JARID2: variants seen among roughly 807,000 people sequenced by gnomAD.
JARID2 encodes the protein protein Jumonji.
In JARID2, 21 loss-of-function variants were observed where a neutral mutation model predicts 125.6. That is an observed-to-expected ratio of 0.17 (90% CI 0.12 to 0.24). The LOEUF (loss-of-function observed/expected upper bound fraction) is 0.24. Ranked by LOEUF, JARID2 falls within the 10% of genes least tolerant of loss-of-function variation. The probability of loss-of-function intolerance (pLI) is 1.00; values close to 1 mark genes in which losing one functional copy is unlikely to be tolerated. For missense variants in JARID2, 1,303 were observed against 1,639.6 expected, an observed-to-expected ratio of 0.79 and a Z score of 3.55; for synonymous variants, 736 against 661.6, an observed-to-expected ratio of 1.11 and a Z score of -1.73.
At chr6:15,478,091 G>A (rs1769434234) in intron 5 of JARID2, among the ~76,000 whole-genome samples, 1 of 152,186 alleles carries the variant, frequency 6.6e-6, no homozygotes. Flanking sequence ...TAGGGCCTTA[G>A]TGGGGGATAT....
At chr6:15,422,406 A>T (rs1312668563) in intron 3 of JARID2, among the ~76,000 whole-genome samples, 1 of 152,132 alleles carries the variant, frequency 6.6e-6, no homozygotes, top group Non-Finnish European at 1.5e-5. Context: ...CTTCACCTTG[A>T]TCAGCAAGGT....
At chr6:15,436,513 G>A (rs952124728) in intron 3 of JARID2, among the ~76,000 whole-genome samples, 10 of 152,194 alleles carry the variant, frequency 6.6e-5, no homozygotes, top group African/African-American at 7.2e-5. Context: ...GGATGGGGGC[G>A]TGGCAGATCA....
At chr6:15,338,517 C>T (rs149557943) in intron 1 of JARID2, among the ~76,000 whole-genome samples, 7 of 152,330 alleles carry the variant, frequency 4.6e-5, no homozygotes, top group African/African-American at 1.2e-4. Flanking sequence ...CCCATATGTG[C>T]AGGCTTTGTA....
intron 1 of JARID2, among the ~76,000 whole-genome samples, chr6:15,295,552 C>T (rs1252632946): frequency 6.6e-6 from 1 of 152,138 alleles, no homozygotes; most frequent in Middle Eastern, 3.2e-3. Flanking sequence ...GGAAAGAATA[C>T]TGCATTTATT....
intron 2 of JARID2, among the ~76,000 whole-genome samples, chr6:15,380,626 G>A (rs1764543706): frequency 6.6e-6 from 1 of 152,082 alleles, no homozygotes; most frequent in East Asian, 1.9e-4. Context: ...CCAATTTGTA[G>A]CCAAGGACCA....
At chr6:15,502,442 C>G (rs1028995063) in intron 8 of JARID2, among the ~76,000 whole-genome samples, 1 of 152,216 alleles carries the variant, frequency 6.6e-6, no homozygotes, top group Non-Finnish European at 1.5e-5. Flanking sequence ...CCCTCGTGAG[C>G]CTGGTGGGAG....
chr6:15,463,294 A>G (rs1768541917), intron 4 of JARID2, among the ~76,000 whole-genome samples: 2 of 152,152 alleles, frequency 1.3e-5, no homozygotes, highest in Non-Finnish European at 2.9e-5. Context: ...TAAAGGAGTG[A>G]TATGATGTGG....
chr6:15,267,685 C>T (rs1007421673), intron 1 of JARID2, among the ~76,000 whole-genome samples: 3 of 152,116 alleles, frequency 2.0e-5, no homozygotes, highest in African/African-American at 7.2e-5. Context: ...TCAATGGTTG[C>T]GTTCCCGAGG....
At chr6:15,465,262 C>T (rs35801290) in intron 4 of JARID2, among the ~76,000 whole-genome samples, 4,719 of 152,106 alleles carry the variant, frequency 0.031, 242 homozygotes, top group African/African-American at 0.11. Context: ...AGACAAGCCT[C>T]GGCAATGTAG....
chr6:15,346,035 ATT>A (rs1763234060), intron 1 of JARID2, among the ~76,000 whole-genome samples: 1 of 152,186 alleles, frequency 6.6e-6, no homozygotes, highest in South Asian at 2.1e-4. Flanking sequence ...GAAATAATGA[ATT>A]ATTATTCAGT....
Position 15,484,164 on chromosome 6 carries a change from C to T in JARID2, c.671-3143C>T, listed in dbSNP as rs553441241. 7.3e-5 allele frequency among the ~76,000 whole-genome samples: 11 copies of T among 151,128 alleles called. No individual in the cohort carries two copies. In the South Asian group the frequency reaches 8.5e-4, roughly 12 times the overall value. On this transcript the variant is annotated intron_variant, in intron 5 of 17. Transcript: ENST00000341776. ...TTTGAGATCCACTGATCTGACCATA[C>T]GTCGCTAGTGGAAAATTGGGATGTG...
At chr6:15,440,141 C>A (rs901410351) in intron 3 of JARID2, among the ~76,000 whole-genome samples, 2 of 152,210 alleles carry the variant, frequency 1.3e-5, no homozygotes, top group Non-Finnish European at 2.9e-5. Context: ...TTAAGCCGTA[C>A]GCAATTAGAT....
intron 1 of JARID2, among the ~76,000 whole-genome samples, chr6:15,369,473 C>T (rs1254086214): frequency 2.0e-5 from 3 of 152,142 alleles, no homozygotes; most frequent in African/African-American, 4.8e-5. Context: ...ATTAAGCTGA[C>T]CAGTAAACCA....
intron 6 of JARID2, among the ~76,000 whole-genome samples, chr6:15,493,904 A>G (rs933938396): frequency 2.0e-5 from 3 of 151,774 alleles, no homozygotes; most frequent in Non-Finnish European, 2.9e-5. Context: ...TTTTAAATTT[A>G]TCATTGCCAG....
At chr6:15,300,611 G>A (rs749947275) in intron 1 of JARID2, among the ~76,000 whole-genome samples, 7 of 151,380 alleles carry the variant, frequency 4.6e-5, no homozygotes, top group South Asian at 2.1e-4. Context: ...TATCTGTTTC[G>A]AGTTATGAAT....
rs1241433724 is a variant in JARID2 at position 15,501,194 on chromosome 6, C to A, written c.2233C>A (p.His745Asn). Residue 745 changes from histidine to asparagine, a missense_variant, in exon 8 of 18, where the codon CAC becomes AAC. By Grantham distance (68) the His-to-Asn change is moderately conservative (BLOSUM62 1). Coordinates refer to ENST00000341776, the MANE Select transcript of JARID2 (RefSeq NM_004973.4). ...GPLEGHTENDHHKFHPLPRFE... is the reference protein window; with the variant it reads ...GPLEGHTENDNHKFHPLPRFE... ...GCTGGAAGGCCACACAGAGAACGAC[C>A]ACCACAAGTTCCACCCTCTGCCCCG... The A allele has an allele frequency of 6.2e-7, 1 of 1,614,000 alleles. No homozygotes were observed. The highest frequency in any genetic ancestry group is 1.3e-5 in the African/African-American group (1 of 74,948).
intron 1 of JARID2, among the ~76,000 whole-genome samples, chr6:15,336,974 T>G (rs1487004299): frequency 6.6e-6 from 1 of 152,200 alleles, no homozygotes; most frequent in Non-Finnish European, 1.5e-5. Context: ...AAGTCACACA[T>G]AAAAATCAAT....
chr6:15,456,958 G>A (rs1394685386), intron 4 of JARID2, among the ~76,000 whole-genome samples: 3 of 135,540 alleles, frequency 2.2e-5, no homozygotes, highest in Non-Finnish European at 4.6e-5. Context: ...AGGTAAAGAA[G>A]TAGGCAAAAG....
chr6:15,368,005 A>T (rs560682853), intron 1 of JARID2, among the ~76,000 whole-genome samples: 1 of 152,078 alleles, frequency 6.6e-6, no homozygotes, highest in Non-Finnish European at 1.5e-5. Flanking sequence ...GTCACTGCAG[A>T]ACACCATCCT....
Sources: gnomAD v4.1 joint callset for allele counts (sites outside exome capture counted in the v4.1 genomes callset) on GRCh38, gnomAD v4.1.1 for gene constraint, MANE v1.5 for transcripts, NCBI Gene and HGNC (gene_info 2026-07-23, HGNC 2026-07-21) for gene names.